Variants in PLAAT3 observed in about 807,000 individuals in gnomAD.
PLAAT3 encodes the protein Ca-independent phospholipase A1/2.
Under a neutral mutation model 16.7 loss-of-function variants are expected in PLAAT3, and 21 were observed. The ratio of observed to expected loss-of-function variants is 1.26; its 90% CI spans 0.89 to 1.81. The LOEUF (loss-of-function observed/expected upper bound fraction) is 1.81. Among genes scored for constraint, PLAAT3 ranks in the 40% most tolerant of loss-of-function variants. PLAAT3 has a pLI of 0.00. For synonymous variants in PLAAT3, 76 were observed against 81.7 expected (o/e 0.93, Z 0.38); for missense variants, 219 against 213.7 (o/e 1.02, Z -0.16).
intron 4 of PLAAT3, among the ~76,000 whole-genome samples, chr11:63,589,437 A>C (rs1555043745): frequency 6.6e-6 from 1 of 151,010 alleles, no homozygotes; most frequent in Non-Finnish European, 1.5e-5. Flanking sequence ...AAAAGATGGA[A>C]GTGGCTGAAA....
intron 2 of PLAAT3, 47 bp downstream of exon 2, chr11:63,613,953 A>C: frequency 8.2e-7 from 1 of 1,222,648 alleles, no homozygotes; most frequent in Non-Finnish European, 1.2e-6. Flanking sequence ...GTCCCCACTA[A>C]CAGGGGGCTC....
intron 3 of PLAAT3, among the ~76,000 whole-genome samples, chr11:63,597,774 CCACCA>C (rs1380362065): frequency 6.6e-6 from 1 of 152,082 alleles, no homozygotes; most frequent in Non-Finnish European, 1.5e-5. Flanking sequence ...GCTCACTTGC[CCACCA>C]CTCACCTCCT....
intron 4 of PLAAT3, among the ~76,000 whole-genome samples, chr11:63,585,171 C>G (rs1937938680): frequency 6.6e-6 from 1 of 152,016 alleles, no homozygotes; most frequent in Non-Finnish European, 1.5e-5. Flanking sequence ...ACTACCGGTG[C>G]ACACCACCAC....
At chr11:63,594,606 C>CA (rs561314138) in intron 3 of PLAAT3, among the ~76,000 whole-genome samples, 53 of 148,956 alleles carry the variant, frequency 3.6e-4, no homozygotes, top group Admixed American at 6.7e-4. Context: ...AACTCCATCT[C>CA]AAAAAAAAGA....
At position 63,586,721 on chromosome 11, in the gene PLAAT3, T is replaced by C. The variant is rs536838533; in HGVS notation, c.387+3379A>G. ...TTTCTTATGCTAATATTGTCACTGC[T>C]AATTCAAAAAAAAAAAACTTCTATT... On this transcript the variant is annotated intron_variant, in intron 4 of 4. Transcript: ENST00000415826. Among the ~76,000 whole-genome samples, 216 of 151,508 alleles carry C rather than the reference T, an allele frequency of 1.4e-3. 1 individual carries two copies. The highest frequency in any genetic ancestry group is 4.9e-3 in the African/African-American group (203 of 41,170).
At chr11:63,580,076 C>A (rs928844943) in intron 4 of PLAAT3, among the ~76,000 whole-genome samples, 1 of 151,872 alleles carries the variant, frequency 6.6e-6, no homozygotes, top group Non-Finnish European at 1.5e-5. Context: ...AAATGGTTCC[C>A]CAAAAACAGG....
chr11:63,615,396 ATGTGTGTATATG>A (rs1314636438), upstream of PLAAT3, among the ~76,000 whole-genome samples: 1,991 of 75,810 alleles, frequency 0.026, 485 homozygotes, highest in Non-Finnish European at 0.04. Context: ...ATGTGTATAT[ATGTGTGTATATG>A]TGTGTGTGTG....
At chr11:63,610,709 G>A (rs1938671375) in intron 2 of PLAAT3, among the ~76,000 whole-genome samples, 1 of 152,202 alleles carries the variant, frequency 6.6e-6, no homozygotes, top group African/African-American at 2.4e-5. Context: ...TCTAGACTCA[G>A]AGAACAGGGA....
intron 2 of PLAAT3, among the ~76,000 whole-genome samples, chr11:63,600,605 T>C (rs926547729): frequency 6.6e-6 from 1 of 151,798 alleles, no homozygotes; most frequent in Admixed American, 6.6e-5. Context: ...TTGTTTTGTT[T>C]TGTTTTGTTT....
At chr11:63,600,338 T>C (rs1471890626) in intron 2 of PLAAT3, among the ~76,000 whole-genome samples, 1 of 152,074 alleles carries the variant, frequency 6.6e-6, no homozygotes, top group Non-Finnish European at 1.5e-5. Context: ...TAATTTAAAA[T>C]ATTATAATGG....
intron 3 of PLAAT3, among the ~76,000 whole-genome samples, chr11:63,594,064 A>G (rs975666300): frequency 2.0e-5 from 3 of 152,204 alleles, no homozygotes; most frequent in African/African-American, 7.2e-5. Context: ...TGTTTCAGAG[A>G]TAAAGCCAAC....
At chr11:63,605,844 G>A (rs999998496) in intron 2 of PLAAT3, among the ~76,000 whole-genome samples, 2 of 151,992 alleles carry the variant, frequency 1.3e-5, no homozygotes, top group Admixed American at 6.6e-5. Flanking sequence ...GAGCCACCGC[G>A]CCTGGCCCTT....
At chr11:63,603,562 C>T (rs146227497) in intron 2 of PLAAT3, among the ~76,000 whole-genome samples, 2 of 151,946 alleles carry the variant, frequency 1.3e-5, no homozygotes, top group Non-Finnish European at 2.9e-5. Flanking sequence ...AGCAAACCAC[C>T]ATGGCACACT....
intron 2 of PLAAT3, among the ~76,000 whole-genome samples, chr11:63,604,742 G>A (rs982668571): frequency 2.6e-5 from 4 of 151,810 alleles, no homozygotes; most frequent in Admixed American, 2.0e-4. Context: ...CAATCTAGGC[G>A]ACAGAGCAAG....
intron 4 of PLAAT3, among the ~76,000 whole-genome samples, chr11:63,583,001 C>T (rs111602554): frequency 0.021 from 3,201 of 152,062 alleles, 57 homozygotes; most frequent in Non-Finnish European, 0.032. Context: ...CATGGTGGCA[C>T]GCACCTGTAA....
At chr11:63,588,836 G>A (rs1938054084) in intron 4 of PLAAT3, among the ~76,000 whole-genome samples, 1 of 152,020 alleles carries the variant, frequency 6.6e-6, no homozygotes, top group Non-Finnish European at 1.5e-5. Flanking sequence ...CAAACATGAG[G>A]GTTGGTGTAG....
At chr11:63,592,852 A>C (rs1388026596) in intron 3 of PLAAT3, among the ~76,000 whole-genome samples, 1 of 152,216 alleles carries the variant, frequency 6.6e-6, no homozygotes. Flanking sequence ...GCTTCCTTCC[A>C]GCTCTAATTT....
intron 2 of PLAAT3, among the ~76,000 whole-genome samples, chr11:63,607,748 C>A (rs1938603682): frequency 6.6e-6 from 1 of 151,612 alleles, no homozygotes; most frequent in African/African-American, 2.4e-5. Context: ...CGGAGAGAGG[C>A]AAGCAGGAGA....
At chr11:63,586,552 CT>C (rs1190683192) in intron 4 of PLAAT3, among the ~76,000 whole-genome samples, 1 of 152,184 alleles carries the variant, frequency 6.6e-6, no homozygotes, top group Admixed American at 6.5e-5. Context: ...CAAAAAGTAT[CT>C]TATTGCTTCC....
Sources: gnomAD v4.1 joint callset for allele counts (sites outside exome capture counted in the v4.1 genomes callset) on GRCh38, gnomAD v4.1.1 for gene constraint, MANE v1.5 for transcripts, NCBI Gene and HGNC (gene_info 2026-07-23, HGNC 2026-07-21) for gene names.